AP4E1: variants seen among roughly 807,000 people sequenced by gnomAD.
AP4E1 encodes adaptor related protein complex 4 subunit epsilon 1.
Under a neutral mutation model 128.2 loss-of-function variants are expected in AP4E1, and 56 were observed. The observed-to-expected ratio is 0.44, with a 90% CI of 0.35 to 0.55. The LOEUF is 0.55. Ranked by LOEUF, AP4E1 falls within the 20% of genes least tolerant of loss-of-function variation. The pLI is 0.00. For synonymous variants in AP4E1, 484 were observed against 473.1 expected (o/e 1.02, Z -0.30); for missense variants, 1,324 against 1,307.7 (o/e 1.01, Z -0.19).
chr15:50,957,954 G>A (rs1221150097), intron 13 of AP4E1, among the ~76,000 whole-genome samples: 1 of 151,890 alleles, frequency 6.6e-6, no homozygotes, highest in Non-Finnish European at 1.5e-5. Context: ...TTACAGGTGT[G>A]AGCCACCATG....
At chr15:50,951,249 G>A (rs1340746548) in intron 13 of AP4E1, among the ~76,000 whole-genome samples, 1 of 152,190 alleles carries the variant, frequency 6.6e-6, no homozygotes, top group Non-Finnish European at 1.5e-5. Flanking sequence ...CCACTTTCGA[G>A]CTCGTGTGGT....
intron 15 of AP4E1, among the ~76,000 whole-genome samples, chr15:50,980,139 T>C (rs1276579392): frequency 2.6e-5 from 4 of 152,238 alleles, no homozygotes. Context: ...TGGGCTTCAC[T>C]GTCTCTTTAT....
At chr15:50,926,369 C>A (rs1051515874) in intron 5 of AP4E1, among the ~76,000 whole-genome samples, 12 of 151,990 alleles carry the variant, frequency 7.9e-5, no homozygotes, top group Admixed American at 7.9e-4. Context: ...AACTCCTGAC[C>A]TTGTGATTCA....
At chr15:50,991,879 G>A (rs1322740059) in intron 16 of AP4E1, among the ~76,000 whole-genome samples, 1 of 150,028 alleles carries the variant, frequency 6.7e-6, no homozygotes, top group African/African-American at 2.5e-5. Context: ...AACTCATCTT[G>A]TAGTAGAAAT....
At chr15:50,908,990 C>G in intron 1 of AP4E1, 62 bp downstream of exon 1, 1 of 1,597,826 alleles carries the variant, frequency 6.3e-7, no homozygotes, top group Non-Finnish European at 8.5e-7. Flanking sequence ...GCCAGGAGGC[C>G]CTGGCCGGGC....
rs186055140 is a variant in AP4E1 at position 50,950,463 on chromosome 15, A to G, written c.1548+294A>G. ...ATTTGAATACTCATTTATCTCTACT[A>G]TATTAGTTTTCTTTTTTAAAAAATT... is the stretch of plus-strand genomic sequence containing the variant. On this transcript the variant is annotated intron_variant, in intron 13 of 20. Transcript: ENST00000261842. Among the ~76,000 whole-genome samples the G allele has an allele frequency of 4.8e-3, 731 of 152,160 alleles. 7 individuals are homozygous for G. Among genetic ancestry groups the G allele is most frequent in the African/African-American group, 0.017 (687 of 41,530 alleles).
Position 50,949,878 on chromosome 15 carries a change from G to C in AP4E1, c.1369G>C (p.Val457Leu). 6.2e-7 allele frequency: 1 copy of C among 1,613,856 alleles called. No homozygotes were observed. The highest frequency in any genetic ancestry group is 1.1e-5 in the South Asian group (1 of 91,080). Residue 457 changes from valine to leucine, a missense_variant, in exon 12 of 21, where the codon GTA becomes CTA. Coordinates refer to ENST00000261842, the MANE Select transcript of AP4E1 (RefSeq NM_007347.5). ...FIQTMNAVFS[V>L]GGDVMHPDIP... ...TCAGACAATGAATGCTGTGTTTTCA[G>C]TAGGAGGAGATGTAATGCATCCTGA...
intron 15 of AP4E1, among the ~76,000 whole-genome samples, chr15:50,969,139 C>A (rs2064440392): frequency 6.6e-6 from 1 of 151,994 alleles, no homozygotes; most frequent in Non-Finnish European, 1.5e-5. Context: ...CATTAGTTTT[C>A]CTGATCCTCA....
chr15:50,941,033 G>A (rs1340891984), intron 8 of AP4E1, among the ~76,000 whole-genome samples: 16 of 152,116 alleles, frequency 1.1e-4, no homozygotes, highest in Admixed American at 1.0e-3. Context: ...TTAAAGGAAC[G>A]TGGGAAATAT....
At chr15:50,959,732 A>C (rs2064283842) in intron 14 of AP4E1, among the ~76,000 whole-genome samples, 1 of 152,192 alleles carries the variant, frequency 6.6e-6, no homozygotes, top group African/African-American at 2.4e-5. Flanking sequence ...AAGAAAGGAA[A>C]AAATGTATAA....
chr15:50,942,327 G>C (rs536970268), intron 10 of AP4E1, among the ~76,000 whole-genome samples: 1 of 152,212 alleles, frequency 6.6e-6, no homozygotes, highest in Admixed American at 6.5e-5. Flanking sequence ...CATCTGTGTG[G>C]GTTCATTAAT....
intron 6 of AP4E1, 68 bp from the exon 7 acceptor site, chr15:50,930,737 A>G: frequency 1.3e-6 from 2 of 1,493,242 alleles, no homozygotes; most frequent in Non-Finnish European, 1.9e-6. Flanking sequence ...TCTATATGAC[A>G]TTTCAATTAG....
At chr15:50,987,966 A>G (rs1396271739) in intron 16 of AP4E1, among the ~76,000 whole-genome samples, 1 of 152,166 alleles carries the variant, frequency 6.6e-6, no homozygotes, top group Non-Finnish European at 1.5e-5. Flanking sequence ...TACATATTAT[A>G]TATATATATT....
chr15:50,983,239 G>T (rs2064666718), intron 15 of AP4E1, among the ~76,000 whole-genome samples: 1 of 152,210 alleles, frequency 6.6e-6, no homozygotes, highest in South Asian at 2.1e-4. Flanking sequence ...ATCCAAGATG[G>T]CTGCTTATGC....
chr15:51,000,066 T>A (rs371822920), intron 19 of AP4E1, among the ~76,000 whole-genome samples: 1 of 151,916 alleles, frequency 6.6e-6, no homozygotes, highest in South Asian at 2.1e-4. Context: ...AGAATACCGA[T>A]GAATATCTCT....
intron 15 of AP4E1, among the ~76,000 whole-genome samples, chr15:50,982,443 T>C (rs999625420): frequency 4.6e-5 from 7 of 152,192 alleles, no homozygotes; most frequent in African/African-American, 1.4e-4. Context: ...TTTTTAAAAA[T>C]GAGACTTATT....
At chr15:50,964,955 C>CCCCCCCCCCCCACACACACACACACACA (rs1555459128) in intron 14 of AP4E1, among the ~76,000 whole-genome samples, 1 of 131,370 alleles carries the variant, frequency 7.6e-6, no homozygotes, top group Admixed American at 7.8e-5. Flanking sequence ...CCTCCCCCTA[C>CCCCCCCCCCCCACACACACACACACACA]CACACACACA....
chr15:50,956,356 C>T (rs999864755), intron 13 of AP4E1, among the ~76,000 whole-genome samples: 2 of 152,264 alleles, frequency 1.3e-5, no homozygotes, highest in African/African-American at 2.4e-5. Flanking sequence ...TTTTCCCTTG[C>T]TTATCACCCA....
chr15:50,985,457 T>C (rs2064707153), intron 16 of AP4E1, among the ~76,000 whole-genome samples: 1 of 152,232 alleles, frequency 6.6e-6, no homozygotes, highest in Non-Finnish European at 1.5e-5. Context: ...AACATTTAAG[T>C]CTTTAATCCC....
Sources: allele counts gnomAD v4.1 joint callset (sites outside exome capture counted in the v4.1 genomes callset), GRCh38; gene constraint gnomAD v4.1.1; transcripts MANE v1.5; gene names NCBI Gene and HGNC (gene_info 2026-07-23, HGNC 2026-07-21).